The following GLIS3 variants were observed in gnomAD, a reference collection of about 807,000 sequenced individuals.
GLIS3 encodes GLIS family zinc finger 3, also known as zinc finger protein GLIS3.
A neutral mutation model predicts 78.6 loss-of-function variants in GLIS3; 53 were observed. That is an observed-to-expected ratio of 0.67 (90% CI 0.54 to 0.85). GLIS3 has a LOEUF of 0.85. Among genes scored for constraint, GLIS3 ranks in the 40% least tolerant of loss-of-function variants. The probability of loss-of-function intolerance (pLI) is 0.00; values close to 1 mark genes in which losing one functional copy is unlikely to be tolerated. For missense variants in GLIS3, 1,703 were observed against 1,231.1 expected (o/e 1.38, Z -5.74); for synonymous variants, 684 against 509.9 (o/e 1.34, Z -4.60).
chr9:4,469,743 A>T, the GLIS3 span, among the ~76,000 whole-genome samples: 4 of 152,208 alleles, frequency 2.6e-5, no homozygotes, highest in Admixed American at 6.5e-5. Context: ...GGCAAGACCA[A>T]ACACATTCAA....
At chr9:3,955,868 A>G (rs1023354228) in intron 4 of GLIS3, among the ~76,000 whole-genome samples, 5 of 152,196 alleles carry the variant, frequency 3.3e-5, no homozygotes, top group Admixed American at 2.6e-4. Context: ...AATCTGGGAG[A>G]AGAAAGAGTC....
chr9:4,162,462 C>G (rs1267013820), intron 2 of GLIS3, among the ~76,000 whole-genome samples: 1 of 152,076 alleles, frequency 6.6e-6, no homozygotes, highest in Non-Finnish European at 1.5e-5. Flanking sequence ...AATAATTACC[C>G]AAGCAAGAAC....
At chr9:4,021,940 C>T (rs1822922512) in intron 4 of GLIS3, among the ~76,000 whole-genome samples, 1 of 152,202 alleles carries the variant, frequency 6.6e-6, no homozygotes, top group African/African-American at 2.4e-5. Flanking sequence ...AAACCAGACA[C>T]ACACAGTCAC....
chr9:4,153,596 A>G (rs981797570), intron 2 of GLIS3, among the ~76,000 whole-genome samples: 9 of 152,196 alleles, frequency 5.9e-5, no homozygotes, highest in Admixed American at 3.9e-4. Context: ...CACAGAAGGA[A>G]GACTAATTAA....
chr9:3,878,433 A>T (rs1362308987), intron 8 of GLIS3, among the ~76,000 whole-genome samples: 2 of 152,226 alleles, frequency 1.3e-5, no homozygotes, highest in Admixed American at 6.5e-5. Flanking sequence ...AAAGGAAGAA[A>T]GTCATAAACA....
chr9:4,256,795 A>G (rs1248718728), intron 2 of GLIS3, among the ~76,000 whole-genome samples: 1 of 50,268 alleles, frequency 2.0e-5, no homozygotes, highest in Non-Finnish European at 5.0e-5. Flanking sequence ...ACGGAAGCTC[A>G]TCAAAAAAGT....
chr9:4,266,195 G>C (rs747117376), intron 2 of GLIS3, among the ~76,000 whole-genome samples: 4 of 151,096 alleles, frequency 2.6e-5, no homozygotes, highest in African/African-American at 4.9e-5. Flanking sequence ...TGAGATTACA[G>C]GTGTGAGCCA....
chr9:4,320,896 T>G (rs928981519), intron 2 of GLIS3, among the ~76,000 whole-genome samples: 1 of 152,052 alleles, frequency 6.6e-6, no homozygotes, highest in Non-Finnish European at 1.5e-5. Flanking sequence ...GCAGGTAAGT[T>G]TTTTCAAAAT....
At chr9:4,429,671 T>C in the GLIS3 span, among the ~76,000 whole-genome samples, 31 of 152,262 alleles carry the variant, frequency 2.0e-4, no homozygotes, top group African/African-American at 6.7e-4. Flanking sequence ...GCAAGGTTCA[T>C]GAGGATAGAG....
chr9:4,044,616 C>A (rs997889134), intron 4 of GLIS3, among the ~76,000 whole-genome samples: 1 of 152,162 alleles, frequency 6.6e-6, no homozygotes, highest in South Asian at 2.1e-4. Flanking sequence ...GTCAGGTGCA[C>A]ATTGCAGTCT....
At chr9:4,314,003 C>A (rs913102433) in intron 2 of GLIS3, among the ~76,000 whole-genome samples, 1 of 152,142 alleles carries the variant, frequency 6.6e-6, no homozygotes, top group African/African-American at 2.4e-5. Context: ...TGAGAGATGG[C>A]GTTACATAAA....
chr9:4,343,863 T>C (rs936834640), intron 2 of GLIS3, among the ~76,000 whole-genome samples: 2 of 152,032 alleles, frequency 1.3e-5, no homozygotes, highest in Admixed American at 6.5e-5. Flanking sequence ...GAGCTAAACA[T>C]TGAGTACACA....
chr9:4,024,041 A>C (rs28735743), intron 4 of GLIS3, among the ~76,000 whole-genome samples: 3,566 of 152,112 alleles, frequency 0.023, 146 homozygotes, highest in African/African-American at 0.082. Context: ...AAAACAAAAA[A>C]AAAAATACAG....
At chr9:4,291,109 G>A (rs555260377) in intron 1 of GLIS3, among the ~76,000 whole-genome samples, 2 of 152,252 alleles carry the variant, frequency 1.3e-5, no homozygotes, top group African/African-American at 2.4e-5. Flanking sequence ...TAACTAGAAT[G>A]TATAGACCTA....
At chr9:4,204,198 C>T (rs751679301) in intron 2 of GLIS3, among the ~76,000 whole-genome samples, 6 of 152,092 alleles carry the variant, frequency 3.9e-5, no homozygotes, top group Non-Finnish European at 7.4e-5. Context: ...CTAAAGAAAA[C>T]AGGTGCACAA....
chr9:3,905,890 A>G (rs1226338318), intron 6 of GLIS3, among the ~76,000 whole-genome samples: 2 of 152,080 alleles, frequency 1.3e-5, no homozygotes, highest in Non-Finnish European at 2.9e-5. Context: ...CATACTCTGT[A>G]GGGATGATGC....
chr9:4,276,143 G>A (rs539065079), intron 2 of GLIS3, among the ~76,000 whole-genome samples: 25 of 150,382 alleles, frequency 1.7e-4, no homozygotes, highest in Non-Finnish European at 2.8e-4. Flanking sequence ...GAAATTAGCC[G>A]GTGGTGACAC....
rs1278610506 is a variant in GLIS3, at chr9:4,118,341, C to G, written c.1137G>C (p.Leu379=). Residue 379 remains leucine, a synonymous_variant, in exon 4 of 11, where the codon CTG becomes CTC. Coordinates refer to ENST00000381971, the MANE Select transcript of GLIS3 (RefSeq NM_001042413.2). The surrounding 1 kb of genome is among the most constrained non-coding windows in gnomAD (Gnocchi z 4.7). ...CGTCCTCGCCGTAGGCCGGCAGCGC[C>G]AGGCCTCCAGGGGCCACCAGCACGC... ...QKGVLVAPGG[L]ALPAYGEDGA... The G allele has an allele frequency of 4.4e-6, 7 of 1,579,248 alleles. No individual in the cohort carries two copies. In the South Asian group the frequency reaches 7.9e-5, roughly 18 times the overall value.
intron 2 of GLIS3, among the ~76,000 whole-genome samples, chr9:4,252,242 C>G (rs1309667684): frequency 1.3e-5 from 2 of 152,174 alleles, no homozygotes; most frequent in Non-Finnish European, 2.9e-5. Context: ...TCAGGTACAC[C>G]AATCAAATGT....
Sources: allele counts gnomAD v4.1 joint callset (sites outside exome capture counted in the v4.1 genomes callset), GRCh38; gene constraint gnomAD v4.1.1; non-coding constraint Gnocchi (gnomAD v3.1); transcripts MANE v1.5; gene names NCBI Gene and HGNC (gene_info 2026-07-23, HGNC 2026-07-21).